The following AIPL1 variants were observed in gnomAD, a reference collection of about 807,000 sequenced individuals.
AIPL1 encodes the protein AIP like 1 HSP90 co-chaperone.
In AIPL1, 23 loss-of-function variants were observed where a neutral mutation model predicts 32.9. The observed-to-expected ratio is 0.70, with a 90% confidence interval of 0.50 to 0.99. The LOEUF (loss-of-function observed/expected upper bound fraction) is 0.99, where lower values mean the gene tolerates loss of function less well. Among genes scored for constraint, AIPL1 ranks in the 50% least tolerant of loss-of-function variants. The probability of loss-of-function intolerance (pLI) is 0.00; values close to 1 mark genes in which losing one functional copy is unlikely to be tolerated. For synonymous variants in AIPL1, 210 were observed against 209.4 expected (o/e 1.00, Z -0.02); for missense variants, 485 against 506.0 (o/e 0.96, Z 0.40).
intron 2 of AIPL1, among the ~76,000 whole-genome samples, chr17:6,430,127 G>A (rs1019953185): frequency 6.6e-6 from 1 of 151,638 alleles, no homozygotes; most frequent in Admixed American, 6.6e-5. Context: ...CATGGGCTGG[G>A]GTGAGGAGAT....
Position 6,428,370 on chromosome 17 carries a change from T to C in AIPL1, c.413A>G (p.Asp138Gly), listed in dbSNP as rs1261075102. 1 of 1,612,274 alleles carries C rather than the reference T, an allele frequency of 6.2e-7. No individual in the cohort carries two copies. The highest frequency in any genetic ancestry group is 8.5e-7 in the Non-Finnish European group (1 of 1,180,034). Reference sequence around the variant, plus strand: ...AGGCTGAGGCTCCTTCTGCAGCTCGTCCAGGTCCTCGTAGCCCAGCGTGTG... The same window carrying C: ...AGGCTGAGGCTCCTTCTGCAGCTCGCCCAGGTCCTCGTAGCCCAGCGTGTG... ...AYHTLGYEDL[D>G]ELQKEPQPLV... The change falls in exon 3 of 6, where the codon GAC becomes GGC. Residue 138 changes from aspartate (D) to glycine (G), a missense_variant. Physicochemically the swap from Asp to Gly is moderately conservative, Grantham distance 94. Transcript: ENST00000381129.
intron 2 of AIPL1, among the ~76,000 whole-genome samples, chr17:6,432,952 T>C (rs1331067551): frequency 6.6e-6 from 1 of 152,160 alleles, no homozygotes. Flanking sequence ...TGAAATGATA[T>C]GGTGTCTGGC....
In AIPL1 at chr17:6,435,016, C is replaced by T. The variant is rs1335607036; in HGVS notation, c.89G>A (p.Gly30Glu). The T allele has an allele frequency of 3.1e-6, 5 of 1,614,030 alleles. No homozygotes were observed. Among genetic ancestry groups the T allele is most frequent in the Non-Finnish European group, 4.2e-6 (5 of 1,180,038 alleles). Residue 30 changes from glycine (G) to glutamate (E), a missense_variant, in exon 1 of 6, where the codon GGA (glycine) becomes GAA (glutamate). By Grantham distance (98) the Gly-to-Glu change is moderately conservative. Transcript: ENST00000381129. ...GTGELPNFIT[G>E]SRVIFHFRTM... ...CGGAGGGGCCCCACTCACTCGGGAT[C>T]CGGTGATGAAGTTTGGGAGCTCGCC...
intron 2 of AIPL1, among the ~76,000 whole-genome samples, chr17:6,433,611 T>TCTCTCACACACACA (rs758622569): frequency 8.5e-5 from 9 of 106,300 alleles, no homozygotes; most frequent in Admixed American, 2.9e-4. Flanking sequence ...TCTCTCTCTC[T>TCTCTCACACACACA]CACACACACA....
Position 6,425,298 on chromosome 17 carries a change from C to A in AIPL1, c.*162G>T. ...TTTTATTCATAAGCTCTTCTGTACC[C>A]TTGGGATTGTTTTTTTTTTTTTTTT... is the stretch of plus-strand genomic sequence containing the variant. On this transcript the variant is annotated 3_prime_UTR_variant, in exon 6 of 6. Coordinates refer to ENST00000381129, the MANE Select transcript of AIPL1 (RefSeq NM_014336.5). 1.1e-6 allele frequency: 1 copy of A among 917,006 alleles called. No homozygotes were observed. 56.8% of individuals were successfully genotyped at this position (917,006 alleles called of 1,614,324 possible). A position where few individuals can be genotyped will look rare whatever the true frequency, so the allele number is the denominator to read the frequency against.
intron 1 of AIPL1, among the ~76,000 whole-genome samples, chr17:6,434,796 CT>C (rs1285541140): frequency 1.3e-5 from 2 of 152,220 alleles, no homozygotes; most frequent in East Asian, 3.9e-4. Context: ...CCCAAAAGCC[CT>C]TCCCCTCAGC....
Position 6,428,486 on chromosome 17 carries a change from G to A in AIPL1, c.297C>T (p.Ile99=). The A allele has an allele frequency of 1.2e-6, 2 of 1,613,952 alleles. No homozygotes were observed. The highest frequency in any genetic ancestry group is 2.2e-5 in the East Asian group (1 of 44,878). Residue 99 remains isoleucine (I), a synonymous_variant, in exon 3 of 6, where the codon ATC becomes ATT. Coordinates refer to ENST00000381129, the MANE Select transcript of AIPL1 (RefSeq NM_014336.5). The part of the protein sequence containing the change: ...CDTIHTGVYP[I]LSRSLRQMAQ... ...CCATCTGCCTCAGGCTCCGGGATAG[G>A]ATGGGGTAGACCCCCGTGTGCTGTG...
chr17:6,434,335 TTCC>T (rs1274420237), intron 1 of AIPL1, among the ~76,000 whole-genome samples: 3 of 144,224 alleles, frequency 2.1e-5, no homozygotes, highest in Non-Finnish European at 4.5e-5. Flanking sequence ...CCAGAAATCC[TTCC>T]TCAAGTAAGC....
Position 6,425,575 on chromosome 17 carries a change from G to A in AIPL1, c.1040C>T (p.Ser347Phe), listed in dbSNP as rs1027851488. 6.2e-7 allele frequency: 1 copy of A among 1,613,092 alleles called. No individual in the cohort carries two copies. Among genetic ancestry groups the A allele is most frequent in the African/African-American group, 1.3e-5 (1 of 74,818 alleles). ...EPPTEPPAQS[S>F]TEPPAEPPTA... ...GGGTGGCTCTGCAGGTGGCTCTGTG[G>A]ATGACTGTGCGGGTGGCTCTGTGGG... The change falls in exon 6 of 6, where the codon TCC becomes TTC. Residue 347 changes from serine (S) to phenylalanine (F), a missense_variant. Physicochemically the swap from Ser to Phe is radical, Grantham distance 155 (BLOSUM62 -2). Coordinates refer to ENST00000381129, the MANE Select transcript of AIPL1 (RefSeq NM_014336.5).
rs900375603 is a variant in AIPL1 at position 6,424,396 on chromosome 17, A to G, written c.*1064T>C. 8 of 152,274 alleles carry G rather than the reference A, an allele frequency of 5.3e-5. No homozygotes were observed. The highest frequency in any genetic ancestry group is 1.9e-4 in the African/African-American group (8 of 41,470). The allele number at this position is 152,274 out of a possible 1,614,324, so 9.4% of individuals were successfully genotyped here. On this transcript the variant is annotated 3_prime_UTR_variant, in exon 6 of 6. Transcript: ENST00000381129. Reference sequence around the variant, plus strand: ...GCAGCTCCTTAATCTACATGTAATTAAAAGTGGGTATAAATCTGACTGCAG... The same window carrying G: ...GCAGCTCCTTAATCTACATGTAATTGAAAGTGGGTATAAATCTGACTGCAG...
At chr17:6,433,764 T>C (rs567450253) in intron 2 of AIPL1, among the ~76,000 whole-genome samples, 155 bp downstream of exon 2, 1 of 152,302 alleles carries the variant, frequency 6.6e-6, no homozygotes, top group East Asian at 1.9e-4. Flanking sequence ...TCCCTCCATC[T>C]TCACATGCAC....
At chr17:6,427,203 C>T (rs1331248535) in intron 3 of AIPL1, 146 bp from the exon 4 acceptor site, 7 of 855,286 alleles carry the variant, frequency 8.2e-6, no homozygotes, top group South Asian at 1.5e-5. Context: ...GAAGCAACAA[C>T]GCCGAAAACC....
intron 1 of AIPL1, chr17:6,434,803 TCAGCC>T: frequency 1.2e-6 from 1 of 851,770 alleles, no homozygotes; most frequent in Non-Finnish European, 1.7e-6. Flanking sequence ...GCCCTTCCCC[TCAGCC>T]CATGCTAAAG....
chr17:6,434,542 G>A (rs888630394), intron 1 of AIPL1, among the ~76,000 whole-genome samples: 2 of 151,936 alleles, frequency 1.3e-5, no homozygotes, highest in Non-Finnish European at 2.9e-5. Flanking sequence ...TGTATTTTCA[G>A]TAGAGATGGG....
In AIPL1 at chr17:6,433,584, CTA is replaced by C. The variant is rs201273438; in HGVS notation, c.276+333_276+334del. On this transcript the variant is annotated intron_variant, in intron 2 of 5. Coordinates refer to ENST00000381129, the MANE Select transcript of AIPL1 (RefSeq NM_014336.5). Reference sequence around the variant, plus strand: ...CCAGCCTGGGTGACAGAGCGAGACCCTATCTCTCTCTCTCTCTCTCTCTCTCT... The same window carrying C: ...CCAGCCTGGGTGACAGAGCGAGACCCTCTCTCTCTCTCTCTCTCTCTCTCT... Among the ~76,000 whole-genome samples, 391 of 92,836 alleles carry C rather than the reference CTA, an allele frequency of 4.2e-3. 3 individuals are homozygous for C. Among genetic ancestry groups the C allele is most frequent in the African/African-American group, 0.017 (377 of 22,576 alleles). 60.9% of individuals were successfully genotyped at this position (92,836 alleles called of 152,430 possible). A position where few individuals can be genotyped will look rare whatever the true frequency, so the allele number is the denominator to read the frequency against.
At chr17:6,428,134 T>C (rs1166105053) in intron 3 of AIPL1, among the ~76,000 whole-genome samples, 184 bp downstream of exon 3, 1 of 152,200 alleles carries the variant, frequency 6.6e-6, no homozygotes, top group African/African-American at 2.4e-5. Context: ...AGGACTTTTC[T>C]TGTGGAAAAA....
intron 2 of AIPL1, among the ~76,000 whole-genome samples, chr17:6,431,154 A>C (rs1201297784): frequency 2.0e-5 from 3 of 152,150 alleles, no homozygotes; most frequent in Non-Finnish European, 4.4e-5. Flanking sequence ...TTAATCTCAA[A>C]TTTTTTCTAG....
At chr17:6,433,808 G>C in intron 2 of AIPL1, 111 bp downstream of exon 2, 1 of 1,365,972 alleles carries the variant, frequency 7.3e-7, no homozygotes, top group Non-Finnish European at 1.0e-6. Context: ...GACTGGCTTT[G>C]CAAAGCTTCG....
chr17:6,433,906 AG>A lies in AIPL1; in HGVS notation c.276+12del, dbSNP rs1443673396. On this transcript the variant is annotated intron_variant, in intron 2 of 5. Coordinates refer to ENST00000381129, the MANE Select transcript of AIPL1 (RefSeq NM_014336.5). ...GACTAGTCCCAGGAGACAGGCGCGCAGGGCCTACTTACGATGGTGTCGCACC... is the reference window on the plus strand; with the variant it reads ...GACTAGTCCCAGGAGACAGGCGCGCAGGCCTACTTACGATGGTGTCGCACC... The A allele has an allele frequency of 1.4e-5, 22 of 1,612,660 alleles. No homozygotes were observed. The highest frequency in any genetic ancestry group is 2.7e-5 in the African/African-American group (2 of 74,892).
Sources: allele counts gnomAD v4.1 joint callset (sites outside exome capture counted in the v4.1 genomes callset), GRCh38; gene constraint gnomAD v4.1.1; transcripts MANE v1.5; gene names NCBI Gene and HGNC (gene_info 2026-07-23, HGNC 2026-07-21).